Variants in SYNJ2 observed in about 807,000 individuals in gnomAD.
The protein encoded by SYNJ2 is polyphosphatidylinositol phosphatase SYNJ2.
A neutral mutation model predicts 141.3 loss-of-function variants in SYNJ2; 116 were observed. The observed-to-expected ratio is 0.82, with a 90% CI of 0.71 to 0.96. SYNJ2 has a LOEUF of 0.96. Among genes scored for constraint, SYNJ2 ranks in the 40% least tolerant of loss-of-function variants. The probability of loss-of-function intolerance (pLI) is 0.00; values close to 1 mark genes in which losing one functional copy is unlikely to be tolerated. For synonymous variants in SYNJ2, 745 were observed against 777.7 expected (o/e 0.96, Z 0.70); for missense variants, 1,873 against 1,934.8 (o/e 0.97, Z 0.60).
intron 1 of SYNJ2, among the ~76,000 whole-genome samples, chr6:157,989,924 G>A (rs1777355553): frequency 6.6e-6 from 1 of 152,154 alleles, no homozygotes; most frequent in South Asian, 2.1e-4. Context: ...GGGCTAGGAG[G>A]CTCTGCCAAG....
intron 26 of SYNJ2, among the ~76,000 whole-genome samples, chr6:158,093,308 C>T (rs1048648444): frequency 6.6e-5 from 10 of 151,900 alleles, no homozygotes; most frequent in Non-Finnish European, 8.8e-5. Context: ...TGGTGGCGCA[C>T]GCCTGTAATC....
intron 2 of SYNJ2, among the ~76,000 whole-genome samples, chr6:158,019,153 G>A (rs1337903241): frequency 6.6e-6 from 1 of 152,218 alleles, no homozygotes; most frequent in African/African-American, 2.4e-5. Context: ...GCTTCCTTCA[G>A]TTATAGTTGG....
chr6:157,995,373 A>G (rs1391546392), intron 1 of SYNJ2, among the ~76,000 whole-genome samples: 1 of 152,134 alleles, frequency 6.6e-6, no homozygotes, highest in Non-Finnish European at 1.5e-5. Context: ...AAAAACAAAC[A>G]GTGTGTGAGC....
intron 5 of SYNJ2, among the ~76,000 whole-genome samples, chr6:158,051,244 C>T (rs545462812): frequency 6.6e-6 from 1 of 152,258 alleles, no homozygotes; most frequent in South Asian, 2.1e-4. Flanking sequence ...AGCTGCTGCT[C>T]ATTGCTGAAG....
At chr6:158,092,528 T>C (rs1783528848) in intron 25 of SYNJ2, among the ~76,000 whole-genome samples, 2 of 152,146 alleles carry the variant, frequency 1.3e-5, no homozygotes, top group Non-Finnish European at 2.9e-5. Context: ...TAGTCCCAGC[T>C]ACTTGGGAGG....
chr6:158,018,241 TGGAGCTCAG>T (rs1382983690), intron 2 of SYNJ2, among the ~76,000 whole-genome samples: 1 of 152,230 alleles, frequency 6.6e-6, no homozygotes, highest in Non-Finnish European at 1.5e-5. Context: ...CAGCTGTTCC[TGGAGCTCAG>T]GAGCCCTGGG....
chr6:157,984,729 G>C (rs1436713822), intron 1 of SYNJ2, among the ~76,000 whole-genome samples: 1 of 152,194 alleles, frequency 6.6e-6, no homozygotes, highest in Non-Finnish European at 1.5e-5. Flanking sequence ...TTACAAGAAG[G>C]CTGCAATCTC....
Position 157,988,010 on chromosome 6 carries a change from G to C in SYNJ2, c.127+5922G>C, listed in dbSNP as rs567164549. ...ACTGCCTCTAGCCCCGGGCAAGAGAGGGCCGAGGGCCATGTCCAGTGGCCT... is the reference window on the plus strand; with the variant it reads ...ACTGCCTCTAGCCCCGGGCAAGAGACGGCCGAGGGCCATGTCCAGTGGCCT... On this transcript the variant is annotated intron_variant, in intron 1 of 26. Transcript: ENST00000355585. 3.9e-5 allele frequency among the ~76,000 whole-genome samples: 6 copies of C among 152,386 alleles called. No individual in the cohort carries two copies. In the South Asian group the frequency reaches 1.2e-3, roughly 32 times the overall value.
Position 158,078,144 on chromosome 6 carries a change from A to G in SYNJ2, c.2450-20A>G, listed in dbSNP as rs753860631. ...GACTCGATTCTATATGGGTCTCTCG[A>G]ATGGAACCCCTGCGAGTAGCTGGAG... On this transcript the variant is annotated intron_variant, in intron 17 of 26. Transcript: ENST00000355585. 6.6e-7 allele frequency: 1 copy of G among 1,508,518 alleles called. No individual in the cohort carries two copies. The highest frequency in any genetic ancestry group is 9.2e-7 in the Non-Finnish European group (1 of 1,084,354). 93.4% of individuals were successfully genotyped at this position (1,508,518 alleles called of 1,614,324 possible).
intron 26 of SYNJ2, chr6:158,093,982 C>T: frequency 1.3e-6 from 1 of 765,320 alleles, no homozygotes; most frequent in Non-Finnish European, 2.4e-6. Flanking sequence ...AGACTGGCAT[C>T]TGTAGACACA....
chr6:158,084,978 A>G lies in SYNJ2; in HGVS notation c.3208+804A>G, dbSNP rs565669068. Reference sequence around the variant, plus strand: ...TCATTTTAGACTTCAGAGGGCCTGAAAGGTCACATTGATTGAACCACACAC... The same window carrying G: ...TCATTTTAGACTTCAGAGGGCCTGAGAGGTCACATTGATTGAACCACACAC... On this transcript the variant is annotated intron_variant, in intron 22 of 26. Coordinates refer to ENST00000355585, the MANE Select transcript of SYNJ2 (RefSeq NM_003898.4). This position sits in a 1 kb window ranked among gnomAD's most constrained non-coding sequence, Gnocchi z 5.0. Among the ~76,000 whole-genome samples the G allele has an allele frequency of 1.3e-5, 2 of 151,702 alleles. No homozygotes were observed. The highest frequency in any genetic ancestry group is 2.9e-5 in the Non-Finnish European group (2 of 67,980).
chr6:158,063,993 A>C, intron 9 of SYNJ2, 121 bp downstream of exon 9: 1 of 999,058 alleles, frequency 1.0e-6, no homozygotes, highest in Non-Finnish European at 1.5e-6. Context: ...CAACCTTCTG[A>C]CTATGGGGAA....
At chr6:158,004,333 G>T (rs145649195) in intron 1 of SYNJ2, among the ~76,000 whole-genome samples, 45 of 152,078 alleles carry the variant, frequency 3.0e-4, no homozygotes, top group Non-Finnish European at 8.8e-5. Flanking sequence ...TACAGAAGCC[G>T]GCCAAAACCC....
intron 15 of SYNJ2, 108 bp from the exon 16 acceptor site, chr6:158,074,472 G>A: frequency 8.0e-7 from 1 of 1,248,654 alleles, no homozygotes. Context: ...TTTCTAAGTA[G>A]CATTTTGAGA....
chr6:158,057,423 G>T (rs1428571772), intron 6 of SYNJ2, among the ~76,000 whole-genome samples: 1 of 152,100 alleles, frequency 6.6e-6, no homozygotes, highest in African/African-American at 2.4e-5. Flanking sequence ...TAAAGGGAAA[G>T]AAAGAGGAAC....
At position 158,093,028 on chromosome 6, in the gene SYNJ2, C is replaced by A. The variant is rs766478029; in HGVS notation, c.3668C>A (p.Ala1223Glu). The A allele has an allele frequency of 5.6e-6, 9 of 1,612,190 alleles. No homozygotes were observed. In the African/African-American group the frequency reaches 8.0e-5, roughly 14 times the overall value. ...GCAGCCAAACCAGAGACCCCACAGG[C>A]GCCCCCACTCCTTCCCCGTCGGCCC... ...PGAAKPETPQ[A>E]PPLLPRRPPP... Residue 1223 changes from alanine to glutamate, a missense_variant, in exon 26 of 27, where the codon GCG becomes GAG. Ala to Glu is a moderately radical substitution (Grantham distance 107, BLOSUM62 -1). Coordinates refer to ENST00000355585, the MANE Select transcript of SYNJ2 (RefSeq NM_003898.4).
At chr6:158,039,960 A>G (rs2128342337) in intron 4 of SYNJ2, among the ~76,000 whole-genome samples, 1 of 152,234 alleles carries the variant, frequency 6.6e-6, no homozygotes, top group East Asian at 1.9e-4. Context: ...CTGTGCGGTC[A>G]TCGTCTGGCA....
chr6:158,053,768 C>G (rs541097742), intron 5 of SYNJ2, among the ~76,000 whole-genome samples: 12 of 150,380 alleles, frequency 8.0e-5, no homozygotes, highest in African/African-American at 2.9e-4. Context: ...CATGCACCCA[C>G]CCATCCACCC....
rs372624806 is a variant in SYNJ2, at chr6:158,005,117, G to A, written c.128-12087G>A. ...TTTTTTGAGACAGTCTTGCTCTGTC[G>A]CCCAGGCTGGAGTGCAGTGGCGCGA... is the stretch of plus-strand genomic sequence containing the variant. On this transcript the variant is annotated intron_variant, in intron 1 of 26. Coordinates refer to ENST00000355585, the MANE Select transcript of SYNJ2 (RefSeq NM_003898.4). 1.7e-3 allele frequency among the ~76,000 whole-genome samples: 243 copies of A among 140,102 alleles called. 1 individual carries two copies. The highest frequency in any genetic ancestry group is 2.4e-3 in the Non-Finnish European group (159 of 66,058). The allele number at this position is 140,102 out of a possible 152,430, so 91.9% of individuals were successfully genotyped here.
Sources: allele counts gnomAD v4.1 joint callset (sites outside exome capture counted in the v4.1 genomes callset), GRCh38; gene constraint gnomAD v4.1.1; non-coding constraint Gnocchi (gnomAD v3.1); transcripts MANE v1.5; gene names NCBI Gene and HGNC (gene_info 2026-07-23, HGNC 2026-07-21).